The following GPR173 variants were observed in gnomAD, a reference collection of about 807,000 sequenced individuals.
GPR173 encodes the protein probable G protein-coupled receptor 173.
Under a neutral mutation model 13.9 loss-of-function variants are expected in GPR173, and 2 were observed. The observed-to-expected ratio is 0.14, with a 90% CI of 0.06 to 0.45. The LOEUF (loss-of-function observed/expected upper bound fraction) is 0.45. GPR173 is among the 20% of genes least tolerant of loss of function. The probability of loss-of-function intolerance (pLI) is 0.98; values close to 1 mark genes in which losing one functional copy is unlikely to be tolerated. For missense variants in GPR173, 202 were observed against 340.5 expected (o/e 0.59, Z 3.20); for synonymous variants, 131 against 141.0 (o/e 0.93, Z 0.50).
At chrX:53,075,081 C>G (rs1328103290) in intron 1 of GPR173, among the ~76,000 whole-genome samples, 1 of 106,937 alleles carries the variant, frequency 9.4e-6, no homozygotes, top group South Asian at 4.2e-4. Flanking sequence ...GATCTGACCT[C>G]ACCACCTTTC....
chrX:53,053,921 G>A (rs1465788799), intron 1 of GPR173, among the ~76,000 whole-genome samples: 1 of 112,039 alleles, frequency 8.9e-6, no homozygotes, highest in African/African-American at 3.2e-5. Context: ...CATGGCTGAT[G>A]TCCTACTGGG....
At chrX:53,074,193 TAGAA>T (rs1556805336) in intron 1 of GPR173, among the ~76,000 whole-genome samples, 9 of 96,772 alleles carry the variant, frequency 9.3e-5, no homozygotes, top group African/African-American at 1.6e-4. Context: ...TTTATTCATA[TAGAA>T]ATATATATAA....
chrX:53,069,379 A>T (rs1362372916), intron 1 of GPR173, among the ~76,000 whole-genome samples: 1 of 112,055 alleles, frequency 8.9e-6, no homozygotes, highest in Non-Finnish European at 1.9e-5. Flanking sequence ...TAATAATCAT[A>T]CTATCTGGAA....
intron 1 of GPR173, among the ~76,000 whole-genome samples, chrX:53,074,298 A>G (rs1392232246): frequency 2.9e-5 from 2 of 69,910 alleles, no homozygotes; most frequent in Non-Finnish European, 4.7e-5. Context: ...ATAAATATAT[A>G]TAAATATACA....
At chrX:53,061,583 A>G (rs1416736510) in intron 1 of GPR173, among the ~76,000 whole-genome samples, 1 of 111,915 alleles carries the variant, frequency 8.9e-6, no homozygotes, top group African/African-American at 3.3e-5. Context: ...GAAGAGGGTT[A>G]GGGGTACTAG....
intron 1 of GPR173, among the ~76,000 whole-genome samples, chrX:53,062,285 A>G (rs1346062751): frequency 9.0e-6 from 1 of 110,580 alleles, no homozygotes; most frequent in Non-Finnish European, 1.9e-5. Context: ...TTCCATCCCA[A>G]TAGCCCCAAA....
chrX:53,067,551 C>A (rs1304249381), intron 1 of GPR173, among the ~76,000 whole-genome samples: 1 of 112,151 alleles, frequency 8.9e-6, no homozygotes, highest in Non-Finnish European at 1.9e-5. Flanking sequence ...TCTGGCGGGG[C>A]GCGGTGGCTC....
At chrX:53,060,599 C>T (rs1381096346) in intron 1 of GPR173, among the ~76,000 whole-genome samples, 1 of 104,593 alleles carries the variant, frequency 9.6e-6, no homozygotes, top group Non-Finnish European at 2.0e-5. Flanking sequence ...AAAAAAAAGA[C>T]AACAGAAACC....
intron 1 of GPR173, among the ~76,000 whole-genome samples, chrX:53,055,747 G>A (rs1932023913): frequency 1.8e-5 from 2 of 110,062 alleles, no homozygotes; most frequent in South Asian, 7.7e-4. Flanking sequence ...GGTGGTGCAT[G>A]TGGCTTTGAG....
At chrX:53,060,045 TACAC>T (rs1238375155) in intron 1 of GPR173, among the ~76,000 whole-genome samples, 1 of 88,035 alleles carries the variant, frequency 1.1e-5, no homozygotes, top group Non-Finnish European at 2.1e-5. Flanking sequence ...CACACACACA[TACAC>T]ACACGCACAC....
intron 1 of GPR173, among the ~76,000 whole-genome samples, chrX:53,071,315 G>T (rs1932254312): frequency 8.9e-6 from 1 of 111,823 alleles, no homozygotes; most frequent in African/African-American, 3.3e-5. Context: ...TTAGGAGAAG[G>T]GGAAACATCA....
At position 53,060,029 on chromosome X, in the gene GPR173, T is replaced by TACACACACAC. The variant is rs200398295; in HGVS notation, c.-98+10546_-98+10547insCACACACACA. Reference sequence around the variant, plus strand: ...AAAGTGTATATTATATATATATATATATACACACACACACATACACACACG... The same window carrying TACACACACAC: ...AAAGTGTATATTATATATATATATATACACACACACATACACACACACACATACACACACG... On this transcript the variant is annotated intron_variant, in intron 1 of 1. Transcript: ENST00000332582. Among the ~76,000 whole-genome samples, 697 of 101,967 alleles carry TACACACACAC rather than the reference T, an allele frequency of 6.8e-3. 10 individuals are homozygous for TACACACACAC. Among genetic ancestry groups the TACACACACAC allele is most frequent in the African/African-American group, 0.025 (675 of 26,779 alleles). 88.5% of individuals were successfully genotyped at this position (101,967 alleles called of 115,157 possible).
intron 1 of GPR173, among the ~76,000 whole-genome samples, chrX:53,052,835 A>AGT (rs1366261479): frequency 2.0e-5 from 2 of 100,744 alleles, no homozygotes; most frequent in Admixed American, 1.0e-4. Context: ...AGTGTGTTTA[A>AGT]GTGTGTGTGT....
chrX:53,054,173 G>T (rs1931999913), intron 1 of GPR173, among the ~76,000 whole-genome samples: 1 of 91,480 alleles, frequency 1.1e-5, no homozygotes, highest in Admixed American at 1.1e-4. Context: ...TGTGTAGACT[G>T]GTATATCTGG....
In GPR173 at chrX:53,078,066, A is replaced by G; in HGVS notation, c.*323A>G. ...TCTCTCAGAAGTGACAATTCAGAAAAAGAAAAGAACACTGAGAATGCAGGT... is the reference window on the plus strand; with the variant it reads ...TCTCTCAGAAGTGACAATTCAGAAAGAGAAAAGAACACTGAGAATGCAGGT... On this transcript the variant is annotated 3_prime_UTR_variant, in exon 2 of 2. Transcript: ENST00000332582. 3.6e-6 allele frequency: 1 copy of G among 275,570 alleles called. No individual in the cohort carries two copies. Among genetic ancestry groups the G allele is most frequent in the Non-Finnish European group, 6.7e-6 (1 of 149,382 alleles). 22.7% of individuals were successfully genotyped at this position (275,570 alleles called of 1,213,427 possible). A position where few individuals can be genotyped will look rare whatever the true frequency, so the allele number is the denominator to read the frequency against.
intron 1 of GPR173, among the ~76,000 whole-genome samples, chrX:53,049,819 G>A (rs1931928058): frequency 9.0e-6 from 1 of 111,486 alleles, no homozygotes; most frequent in Admixed American, 9.5e-5. Context: ...CTGGGAGCCC[G>A]GCGGCCGTGT....
At chrX:53,059,282 A>G (rs1291865896) in intron 1 of GPR173, among the ~76,000 whole-genome samples, 1 of 107,218 alleles carries the variant, frequency 9.3e-6, no homozygotes, top group East Asian at 3.0e-4. Flanking sequence ...TAAAATAAAA[A>G]TAAAACTCTC....
At chrX:53,055,827 G>T (rs1932025730) in intron 1 of GPR173, among the ~76,000 whole-genome samples, 1 of 109,803 alleles carries the variant, frequency 9.1e-6, no homozygotes, top group African/African-American at 3.3e-5. Context: ...GTCTGCATGG[G>T]GCTGTGAGAG....
chrX:53,077,224 T>C lies in GPR173; in HGVS notation c.603T>C (p.His201=), dbSNP rs1932449579. 1.7e-6 allele frequency: 2 copies of C among 1,194,531 alleles called. No individual in the cohort carries two copies. Among genetic ancestry groups the C allele is most frequent in the Non-Finnish European group, 2.3e-6 (2 of 886,016 alleles). ...LMLAVLMAAT[H]AVYGKLLLFE... is the part of the protein sequence containing the mutation. ...TGGCTGTGCTCATGGCAGCTACCCA[T>C]GCTGTCTACGGCAAGCTGCTCCTCT... The change falls in exon 2 of 2, where the codon CAT becomes CAC. Residue 201 remains histidine (H), a synonymous_variant. Coordinates refer to ENST00000332582, the MANE Select transcript of GPR173 (RefSeq NM_018969.6).
Sources: gnomAD v4.1 joint callset for allele counts (sites outside exome capture counted in the v4.1 genomes callset) on GRCh38, gnomAD v4.1.1 for gene constraint, MANE v1.5 for transcripts, NCBI Gene and HGNC (gene_info 2026-07-23, HGNC 2026-07-21) for gene names.